Variants in IGF2BP1 observed in about 807,000 individuals in gnomAD.
IGF2BP1 encodes the protein insulin-like growth factor 2 mRNA-binding protein 1.
In IGF2BP1, 11 loss-of-function variants were observed where a neutral mutation model predicts 74.9. The observed-to-expected ratio is 0.15, with a 90% CI of 0.09 to 0.24. The LOEUF (loss-of-function observed/expected upper bound fraction) is 0.24, where lower values mean the gene tolerates loss of function less well. IGF2BP1 is among the 10% of genes least tolerant of loss of function. The probability of loss-of-function intolerance (pLI) is 1.00; values close to 1 mark genes in which losing one functional copy is unlikely to be tolerated. For missense variants in IGF2BP1, 440 were observed against 757.4 expected (o/e 0.58, Z 4.92); for synonymous variants, 287 against 281.8 (o/e 1.02, Z -0.18).
intron 14 of IGF2BP1, 46 bp from the exon 15 acceptor site, chr17:49,049,304 GTC>G (rs768779122): frequency 1.3e-6 from 2 of 1,544,276 alleles, no homozygotes; most frequent in Admixed American, 1.7e-5. Flanking sequence ...GTGGAAGGCT[GTC>G]TCCTTGGAGG....
chr17:49,041,569 A>C, intron 8 of IGF2BP1, 69 bp downstream of exon 8: 2 of 1,590,472 alleles, frequency 1.3e-6, no homozygotes. Flanking sequence ...GTATTTCATC[A>C]TGGAACCTTG....
At chr17:49,015,548 C>T (rs1381704635) in intron 2 of IGF2BP1, among the ~76,000 whole-genome samples, 1 of 152,224 alleles carries the variant, frequency 6.6e-6, no homozygotes, top group Non-Finnish European at 1.5e-5. Flanking sequence ...TGCACAGCTC[C>T]CGTTGGGTCA....
chr17:49,000,183 G>A (rs1367680742), intron 2 of IGF2BP1, among the ~76,000 whole-genome samples: 1 of 152,030 alleles, frequency 6.6e-6, no homozygotes, highest in East Asian at 1.9e-4. Context: ...TCCCAAGCTG[G>A]AAAGCAGCCC....
chr17:49,012,824 T>C (rs1481777090), intron 2 of IGF2BP1: 1 of 152,250 alleles, frequency 6.6e-6, no homozygotes, highest in East Asian at 1.9e-4. Context: ...GCTTTGACTT[T>C]ACCAGCTCAA....
chr17:49,041,501 G>A lies in IGF2BP1; in HGVS notation c.941+1G>A, dbSNP rs751435920. ...CCGAGACAAAAATCACCATCTCCTC[G>A]TAAGGCTCTCTTCTATTTCCCTGTT... On this transcript the variant is annotated splice_donor_variant, in intron 8 of 14. Transcript: ENST00000290341. LOFTEE classifies it high-confidence loss of function. 1.9e-6 allele frequency: 3 copies of A among 1,613,958 alleles called. No individual in the cohort carries two copies. Among genetic ancestry groups the A allele is most frequent in the Non-Finnish European group, 2.5e-6 (3 of 1,179,998 alleles).
At chr17:48,999,288 C>A in intron 2 of IGF2BP1, 119 bp downstream of exon 2, 1 of 662,420 alleles carries the variant, frequency 1.5e-6, no homozygotes, top group South Asian at 1.8e-5. Context: ...TTCCCACCCC[C>A]AACTCCGGAT....
intron 6 of IGF2BP1, among the ~76,000 whole-genome samples, chr17:49,039,566 A>G (rs2144119987): frequency 6.6e-6 from 1 of 152,286 alleles, no homozygotes; most frequent in East Asian, 1.9e-4. Context: ...CTGGGATTAC[A>G]GGTGTGCACC....
chr17:49,005,774 C>T (rs1443237402), intron 2 of IGF2BP1, among the ~76,000 whole-genome samples: 1 of 151,908 alleles, frequency 6.6e-6, no homozygotes, highest in Non-Finnish European at 1.5e-5. Context: ...CTCAATCACT[C>T]ATTCAGGACA....
At chr17:49,016,128 G>A (rs558595100) in intron 2 of IGF2BP1, among the ~76,000 whole-genome samples, 3 of 152,286 alleles carry the variant, frequency 2.0e-5, no homozygotes, top group African/African-American at 4.8e-5. Flanking sequence ...TTCTGACGTC[G>A]GGGCTGTTCA....
rs750656941 is a variant in IGF2BP1 at position 49,043,567 on chromosome 17, A to T, written c.1200+17A>T. ...TCCTTTATGGTAGGTGGAAGATCTT[A>T]TTACACGGGATCCCTGGGCCCATAT... On this transcript the variant is annotated intron_variant, in intron 10 of 14. Transcript: ENST00000290341. 2.9e-5 allele frequency: 46 copies of T among 1,612,726 alleles called. No homozygotes were observed. Among genetic ancestry groups the T allele is most frequent in the Non-Finnish European group, 3.9e-5 (46 of 1,179,096 alleles).
chr17:49,056,065 C>G lies in IGF2BP1; in HGVS notation c.*6621C>G, dbSNP rs1422238873. ...GAACGAACACTCCAGTTTTCTTTCC[C>G]GTGAAGGTTGTTTCAGCCACAAACC... On this transcript the variant is annotated 3_prime_UTR_variant, in exon 15 of 15. Coordinates refer to ENST00000290341, the MANE Select transcript of IGF2BP1 (RefSeq NM_006546.4). Among the ~76,000 whole-genome samples, 1 of 151,832 alleles carries G rather than the reference C, an allele frequency of 6.6e-6. No individual in the cohort carries two copies. Among genetic ancestry groups the G allele is most frequent in the Middle Eastern group, 3.4e-3 (1 of 294 alleles).
In IGF2BP1 at chr17:49,040,139, G is replaced by A. The variant is rs1174482807; in HGVS notation, c.818+48G>A. ...ATCTTCAGGGTCTGCTAGTCCAGTT[G>A]AGCCTCCCCAACTCAACTTTCAAGC... On this transcript the variant is annotated intron_variant, in intron 7 of 14. Coordinates refer to ENST00000290341, the MANE Select transcript of IGF2BP1 (RefSeq NM_006546.4). 3.1e-6 allele frequency: 5 copies of A among 1,603,264 alleles called. No homozygotes were observed. The South Asian group carries it at 5.6e-5, about 18-fold the overall frequency.
At position 48,997,591 on chromosome 17, in the gene IGF2BP1, C is replaced by T; in HGVS notation, c.-155C>T. On this transcript the variant is annotated 5_prime_UTR_variant, in exon 1 of 15. Transcript: ENST00000290341. The surrounding 1 kb of genome is among the most constrained non-coding windows in gnomAD (Gnocchi z 4.8). Reference sequence around the variant, plus strand: ...CTCTGCGCGCCCTCAGGCCGCCTTCCCCGCCCTGGGCTCGGGACAACTTCT... The same window carrying T: ...CTCTGCGCGCCCTCAGGCCGCCTTCTCCGCCCTGGGCTCGGGACAACTTCT... The T allele has an allele frequency of 1.3e-6, 1 of 789,210 alleles. No individual in the cohort carries two copies. The highest frequency in any genetic ancestry group is 2.0e-6 in the Non-Finnish European group (1 of 508,480). 48.9% of individuals were successfully genotyped at this position (789,210 alleles called of 1,614,324 possible).
At chr17:49,026,675 TCC>T (rs2041860846) in intron 4 of IGF2BP1, among the ~76,000 whole-genome samples, 158 bp downstream of exon 4, 1 of 30,398 alleles carries the variant, frequency 3.3e-5, no homozygotes, top group African/African-American at 1.0e-4. Flanking sequence ...CTGCCTTCCT[TCC>T]TGCCTTCCTG....
At chr17:49,014,817 G>C in intron 2 of IGF2BP1, 1 of 985,392 alleles carries the variant, frequency 1.0e-6, no homozygotes, top group Non-Finnish European at 1.2e-6. Context: ...GATGTCTGCC[G>C]GGTCCTTCTC....
chr17:49,019,312 G>A (rs746870425), intron 2 of IGF2BP1, among the ~76,000 whole-genome samples: 1 of 152,066 alleles, frequency 6.6e-6, no homozygotes, highest in Non-Finnish European at 1.5e-5. Context: ...CCAAGCCCTT[G>A]TCTCCTTCCA....
At position 49,045,079 on chromosome 17, in the gene IGF2BP1, T is replaced by A. The variant is rs777760160; in HGVS notation, c.1395+14T>A. The A allele has an allele frequency of 6.2e-7, 1 of 1,611,170 alleles. No individual in the cohort carries two copies. The highest frequency in any genetic ancestry group is 8.5e-7 in the Non-Finnish European group (1 of 1,177,368). Reference sequence around the variant, plus strand: ...GCCCAATTCAAGGTTTTGGTCTTTATTGTTTTCCAAGCTGAACATGGAGGA... The same window carrying A: ...GCCCAATTCAAGGTTTTGGTCTTTAATGTTTTCCAAGCTGAACATGGAGGA... On this transcript the variant is annotated intron_variant, in intron 12 of 14. Coordinates refer to ENST00000290341, the MANE Select transcript of IGF2BP1 (RefSeq NM_006546.4).
intron 13 of IGF2BP1, 47 bp from the exon 14 acceptor site, chr17:49,046,213 C>G (rs1245184670): frequency 6.5e-7 from 1 of 1,543,842 alleles, no homozygotes; most frequent in Admixed American, 1.7e-5. Flanking sequence ...CCAACCCCAC[C>G]CATGCTTTCT....
intron 2 of IGF2BP1, chr17:49,014,961 C>T (rs1467105925): frequency 1.0e-6 from 1 of 984,350 alleles, no homozygotes; most frequent in Non-Finnish European, 1.2e-6. Context: ...TTCAAGGTAC[C>T]TCTCATGACG....
Sources: allele counts gnomAD v4.1 joint callset (sites outside exome capture counted in the v4.1 genomes callset), GRCh38; gene constraint gnomAD v4.1.1; non-coding constraint Gnocchi (gnomAD v3.1); transcripts MANE v1.5; gene names NCBI Gene and HGNC (gene_info 2026-07-23, HGNC 2026-07-21).